The following GPM6B variants were observed in gnomAD, a reference collection of about 807,000 sequenced individuals.
GPM6B encodes the protein glycoprotein M6B.
In GPM6B, 4 loss-of-function variants were observed where a neutral mutation model predicts 27.2. That is an observed-to-expected ratio of 0.15 (90% confidence interval 0.07 to 0.34). The LOEUF (loss-of-function observed/expected upper bound fraction) is 0.34, where lower values mean the gene tolerates loss of function less well. Ranked by LOEUF, GPM6B falls within the 10% of genes least tolerant of loss-of-function variation. The pLI is 1.00. For synonymous variants in GPM6B, 124 were observed against 103.1 expected, an observed-to-expected ratio of 1.20 and a Z score of -1.23; for missense variants, 183 against 261.9, an observed-to-expected ratio of 0.70 and a Z score of 2.08.
In GPM6B at chrX:13,787,041, C is replaced by CAAAAAAAAAAAAAA. The variant is rs869123073; in HGVS notation, c.182-1247_182-1234dup. ...CTTTAGGGCAAGCACATTAAGCCAG[C>CAAAAAAAAAAAAAA]AAAAAAAAAAAAAAAAAAAAAAAAA... On this transcript the variant is annotated intron_variant, in intron 2 of 7. Transcript: ENST00000316715. 7.3e-4 allele frequency among the ~76,000 whole-genome samples: 18 copies of CAAAAAAAAAAAAAA among 24,511 alleles called. 2 individuals are homozygous for CAAAAAAAAAAAAAA. The highest frequency in any genetic ancestry group is 3.3e-3 in the African/African-American group (16 of 4,883). The allele number at this position is 24,511 out of a possible 115,157, so 21.3% of individuals were successfully genotyped here.
At chrX:13,880,675 C>CAAAAAAAAAAAAAAAAAAAAAAAAAAAA (rs57849359) in intron 1 of GPM6B, among the ~76,000 whole-genome samples, 2 of 46,619 alleles carry the variant, frequency 4.3e-5, no homozygotes, top group African/African-American at 1.2e-4. Context: ...GGCTCCATCT[C>CAAAAAAAAAAAAAAAAAAAAAAAAAAAA]AAAAAAAAAA....
intron 1 of GPM6B, among the ~76,000 whole-genome samples, chrX:13,828,902 G>T (rs2049407186): frequency 8.9e-6 from 1 of 111,976 alleles, no homozygotes; most frequent in Non-Finnish European, 1.9e-5. Flanking sequence ...GCTGTACACG[G>T]ACTTGGCCAA....
Position 13,772,445 on chromosome X carries a change from A to G in GPM6B, c.*436T>C, listed in dbSNP as rs1160881941. ...TTACATCAATTCCATTTTATTTCCT[A>G]TGTAGATAACACTTGAGGACAGATG... On this transcript the variant is annotated 3_prime_UTR_variant, in exon 8 of 8. Transcript: ENST00000316715. The G allele has an allele frequency of 8.7e-6, 1 of 114,411 alleles. No homozygotes were observed. Among genetic ancestry groups the G allele is most frequent in the Non-Finnish European group, 1.8e-5 (1 of 54,949 alleles). The allele number at this position is 114,411 out of a possible 1,213,427, so 9.4% of individuals were successfully genotyped here.
chrX:13,795,113 A>G (rs1376306989), intron 2 of GPM6B, among the ~76,000 whole-genome samples: 1 of 112,438 alleles, frequency 8.9e-6, no homozygotes, highest in Admixed American at 9.4e-5. Context: ...CTTCTTGATG[A>G]AATTGGTGGT....
At chrX:13,841,394 C>A (rs762964819) in intron 1 of GPM6B, among the ~76,000 whole-genome samples, 1 of 112,147 alleles carries the variant, frequency 8.9e-6, no homozygotes, top group South Asian at 3.7e-4. Flanking sequence ...TTCCATCCCT[C>A]TGGATGTCTG....
At position 13,921,581 on chromosome X, in the gene GPM6B, C is replaced by CTTT. The variant is rs35264990; in HGVS notation, c.-198+16743_-198+16745dup. On this transcript the variant is annotated intron_variant, in intron 1 of 6. Coordinates refer to the GPM6B transcript ENST00000398361. Reference sequence around the variant, plus strand: ...TGCAACCACATTTATAACCCCCCCCCTTTTTTTTTTTTTAGACAGAGTCTT... The same window carrying CTTT: ...TGCAACCACATTTATAACCCCCCCCCTTTTTTTTTTTTTTTTAGACAGAGTCTT... Among the ~76,000 whole-genome samples the CTTT allele has an allele frequency of 1.1e-3, 101 of 92,804 alleles. 3 individuals are homozygous for CTTT. The highest frequency in any genetic ancestry group is 1.2e-3 in the Non-Finnish European group (55 of 47,555). 80.6% of individuals were successfully genotyped at this position (92,804 alleles called of 115,157 possible).
Position 13,877,871 on chromosome X carries a change from CT to C in GPM6B, c.-198+60455del, listed in dbSNP as rs763377909. Among the ~76,000 whole-genome samples, 649 of 99,687 alleles carry C rather than the reference CT, an allele frequency of 6.5e-3. 10 individuals carry two copies. The highest frequency in any genetic ancestry group is 0.023 in the African/African-American group (621 of 26,623). The allele number at this position is 99,687 out of a possible 115,157, so 86.6% of individuals were successfully genotyped here. Reference sequence around the variant, plus strand: ...AAAAAATTCACCATATTTGCTTCGCCTTTTTTTTCCCCTAGTTTAAGTCCTT... The same window carrying C: ...AAAAAATTCACCATATTTGCTTCGCCTTTTTTTCCCCTAGTTTAAGTCCTT... On this transcript the variant is annotated intron_variant, in intron 1 of 6. Coordinates refer to the GPM6B transcript ENST00000398361.
At chrX:13,797,686 T>C (rs1008173943) in intron 2 of GPM6B, among the ~76,000 whole-genome samples, 36 of 111,179 alleles carry the variant, frequency 3.2e-4, no homozygotes, top group African/African-American at 1.2e-3. Flanking sequence ...GAGATGAATC[T>C]GGCACTGGTG....
chrX:13,890,022 T>C (rs2050174653), intron 1 of GPM6B, among the ~76,000 whole-genome samples: 1 of 111,308 alleles, frequency 9.0e-6, no homozygotes, highest in South Asian at 3.8e-4. Flanking sequence ...AACTCCATCT[T>C]AAATAGGAGC....
chrX:13,821,963 T>C (rs1043147685), upstream of GPM6B, among the ~76,000 whole-genome samples: 11 of 112,069 alleles, frequency 9.8e-5, no homozygotes, highest in African/African-American at 3.6e-4. Flanking sequence ...AGTTGCATAA[T>C]GATATACTGA....
intron 1 of GPM6B, among the ~76,000 whole-genome samples, chrX:13,837,864 AAAGT>A (rs1353007082): frequency 2.5e-4 from 28 of 110,394 alleles, no homozygotes; most frequent in African/African-American, 9.3e-4. Flanking sequence ...AACTTATTAG[AAAGT>A]ATTTATTGGA....
At chrX:13,831,657 C>T (rs1463413392) in intron 1 of GPM6B, among the ~76,000 whole-genome samples, 1 of 111,258 alleles carries the variant, frequency 9.0e-6, no homozygotes, top group South Asian at 3.8e-4. Flanking sequence ...GGGCTCCTGG[C>T]GTTCTTTGGG....
intron 1 of GPM6B, among the ~76,000 whole-genome samples, chrX:13,812,184 G>A (rs930605791): frequency 9.3e-6 from 1 of 107,635 alleles, no homozygotes; most frequent in Non-Finnish European, 1.9e-5. Context: ...TGAGTAGCTG[G>A]GATTACAGGC....
intron 1 of GPM6B, among the ~76,000 whole-genome samples, chrX:13,870,091 G>T (rs975047906): frequency 1.8e-5 from 2 of 111,870 alleles, no homozygotes; most frequent in South Asian, 7.5e-4. Context: ...TCATGATTCA[G>T]CTGGGGTTAT....
chrX:13,799,374 G>A (rs900225978), intron 2 of GPM6B, among the ~76,000 whole-genome samples: 7 of 100,207 alleles, frequency 7.0e-5, no homozygotes, highest in African/African-American at 2.5e-4. Context: ...CAATACTCCC[G>A]GCTGATTTTT....
chrX:13,793,602 T>TA (rs1475687548), intron 2 of GPM6B, among the ~76,000 whole-genome samples: 1 of 112,094 alleles, frequency 8.9e-6, no homozygotes, highest in East Asian at 2.8e-4. Flanking sequence ...TCTAAAATCT[T>TA]AAAAAGAAAT....
chrX:13,873,000 G>A (rs777573126), intron 1 of GPM6B, among the ~76,000 whole-genome samples: 68 of 111,328 alleles, frequency 6.1e-4, no homozygotes, highest in Admixed American at 1.1e-3. Context: ...AAACATGAAT[G>A]AGAGAGTGAT....
chrX:13,910,137 T>A (rs2050365851), intron 1 of GPM6B, among the ~76,000 whole-genome samples: 1 of 112,337 alleles, frequency 8.9e-6, no homozygotes, highest in African/African-American at 3.2e-5. Context: ...GAGGGTGGTG[T>A]GGCTCCCCCT....
intron 1 of GPM6B, among the ~76,000 whole-genome samples, chrX:13,841,896 C>T (rs1444309144): frequency 1.8e-5 from 2 of 111,589 alleles, no homozygotes; most frequent in Non-Finnish European, 3.8e-5. Context: ...CTTCTTGGAC[C>T]AGTTTCCTTC....
Sources: allele counts gnomAD v4.1 joint callset (sites outside exome capture counted in the v4.1 genomes callset), GRCh38; gene constraint gnomAD v4.1.1; transcripts MANE v1.5; gene names NCBI Gene and HGNC (gene_info 2026-07-23, HGNC 2026-07-21).